The following AHI1 variants were observed in gnomAD, a reference collection of about 807,000 sequenced individuals.
AHI1 encodes the protein jouberin.
Under a neutral mutation model 149.3 loss-of-function variants are expected in AHI1, and 123 were observed. The observed-to-expected ratio is 0.82, with a 90% CI of 0.71 to 0.96. The LOEUF is 0.96. Ranked by LOEUF, AHI1 falls within the 40% of genes least tolerant of loss-of-function variation. AHI1 has a pLI of 0.00. For missense variants in AHI1, 1,439 were observed against 1,422.7 expected, an observed-to-expected ratio of 1.01 and a Z score of -0.18; for synonymous variants, 475 against 459.8, an observed-to-expected ratio of 1.03 and a Z score of -0.42.
intron 10 of AHI1, 49 bp downstream of exon 10, chr6:135,455,685 A>C (rs758984187): frequency 1.5e-6 from 2 of 1,333,732 alleles, no homozygotes; most frequent in South Asian, 3.7e-5. Flanking sequence ...CATTTGTGCT[A>C]TTAAATATTA....
chr6:135,424,024 T>C (rs1783592698), intron 20 of AHI1, among the ~76,000 whole-genome samples: 1 of 152,074 alleles, frequency 6.6e-6, no homozygotes, highest in Admixed American at 6.6e-5. Context: ...CCATCTTTGC[T>C]TCTTACAACG....
intron 24 of AHI1, among the ~76,000 whole-genome samples, chr6:135,340,485 T>G (rs936924523): frequency 6.6e-6 from 1 of 151,208 alleles, no homozygotes; most frequent in African/African-American, 2.4e-5. Context: ...GCAAGATAAC[T>G]GATAATTCAG....
chr6:135,473,337 T>C (rs1028284924), intron 5 of AHI1, among the ~76,000 whole-genome samples: 5 of 152,192 alleles, frequency 3.3e-5, no homozygotes, highest in Admixed American at 6.5e-5. Context: ...CCAGATTGTA[T>C]TCATCACTAT....
chr6:135,337,169 G>T (rs1026519597), intron 24 of AHI1, among the ~76,000 whole-genome samples: 3 of 151,908 alleles, frequency 2.0e-5, no homozygotes, highest in African/African-American at 7.3e-5. Context: ...AAAAAAAAAG[G>T]GTCTTAAAGA....
intron 16 of AHI1, 97 bp downstream of exon 16, chr6:135,432,930 A>C (rs1784869816): frequency 4.7e-6 from 4 of 842,126 alleles, no homozygotes; most frequent in Non-Finnish European, 5.8e-6. Flanking sequence ...AATATGCGCA[A>C]TCATCAGTAC....
Position 135,318,574 on chromosome 6 carries a change from G to C in AHI1, c.3371C>G (p.Pro1124Arg). Residue 1124 changes from proline to arginine, a missense_variant, in exon 26 of 29, where the codon CCT becomes CGT. Coordinates refer to ENST00000265602, the MANE Select transcript of AHI1 (RefSeq NM_001134831.2). The part of the protein sequence containing the change: ...ELPPEIKERS[P>R]PLSPEEKTKI... ...AGTTTTTTCCTCAGGGCTTAAAGGA[G>C]GGGATCGCTCCTTTATCTCAGGAGG... 1 of 1,606,320 alleles carries C rather than the reference G, an allele frequency of 6.2e-7. No homozygotes were observed. Among genetic ancestry groups the C allele is most frequent in the East Asian group, 2.2e-5 (1 of 44,782 alleles).
chr6:135,467,667 A>ATCTAC, intron 5 of AHI1, 33 bp from the exon 6 acceptor site: 1 of 1,470,840 alleles, frequency 6.8e-7, no homozygotes, highest in Non-Finnish European at 9.4e-7. Flanking sequence ...GTTTCAGCTA[A>ATCTAC]GCGTAGATTA....
intron 13 of AHI1, among the ~76,000 whole-genome samples, chr6:135,445,788 G>A (rs1472819298): frequency 1.3e-5 from 2 of 151,878 alleles, no homozygotes; most frequent in East Asian, 1.9e-4. Flanking sequence ...CGGGCACGGT[G>A]GCTCACGCCT....
intron 21 of AHI1, among the ~76,000 whole-genome samples, chr6:135,406,953 T>C (rs1780878117): frequency 6.6e-6 from 1 of 152,150 alleles, no homozygotes; most frequent in Non-Finnish European, 1.5e-5. Context: ...AAACTTAGAA[T>C]GAGATTTACC....
At chr6:135,428,551 A>C (rs1433673505) in intron 19 of AHI1, 78 bp downstream of exon 19, 1 of 1,404,090 alleles carries the variant, frequency 7.1e-7, no homozygotes. Context: ...AAATTATTCC[A>C]TAAAATGGTA....
Position 135,466,209 on chromosome 6 carries a change from C to G in AHI1, c.354G>C (p.Glu118Asp). Residue 118 changes from glutamate (E) to aspartate (D), a missense_variant, in exon 7 of 29, where the codon GAG becomes GAC. Physicochemically the swap from Glu to Asp is conservative, Grantham distance 45. Transcript: ENST00000265602. ...TATTTGGCTTTCCTTGTTTGTCTTCCTCTACACTAGCATCACCATTAGGAT... is the reference window on the plus strand; with the variant it reads ...TATTTGGCTTTCCTTGTTTGTCTTCGTCTACACTAGCATCACCATTAGGAT... ...TENPNGDASV[E>D]EDKQGKPNKK... 6.2e-7 allele frequency: 1 copy of G among 1,613,884 alleles called. No individual in the cohort carries two copies. The highest frequency in any genetic ancestry group is 8.5e-7 in the Non-Finnish European group (1 of 1,179,848).
At position 135,394,894 on chromosome 6, in the gene AHI1, G is replaced by T; in HGVS notation, c.2991C>A (p.Val997=). 2 of 1,594,646 alleles carry T rather than the reference G, an allele frequency of 1.3e-6. No individual in the cohort carries two copies. Among genetic ancestry groups the T allele is most frequent in the South Asian group, 2.3e-5 (2 of 88,030 alleles). ...TEVIRSCAAK[V]NKNLSFTSPP... Reference sequence around the variant, plus strand: ...GTGAAGTAAATGAGAGATTTTTGTTGACCTGTATTAGGAAAACAAATCAGA... The same window carrying T: ...GTGAAGTAAATGAGAGATTTTTGTTTACCTGTATTAGGAAAACAAATCAGA... The change falls in exon 23 of 29, where the codon GTC becomes GTA. Residue 997 remains valine (V), a splice_region_variant and synonymous_variant. Coordinates refer to ENST00000265602, the MANE Select transcript of AHI1 (RefSeq NM_001134831.2).
chr6:135,469,463 T>G (rs1053952653), intron 5 of AHI1, among the ~76,000 whole-genome samples: 1 of 152,140 alleles, frequency 6.6e-6, no homozygotes, highest in Admixed American at 6.5e-5. Context: ...CTTCACAGAA[T>G]TAGAAAAAAC....
intron 23 of AHI1, among the ~76,000 whole-genome samples, chr6:135,383,203 T>C (rs903660873): frequency 1.1e-4 from 16 of 146,780 alleles, no homozygotes; most frequent in African/African-American, 3.0e-4. Flanking sequence ...TTATGATTGA[T>C]TGATTCCTTC....
At chr6:135,409,899 C>T (rs372903064) in intron 21 of AHI1, among the ~76,000 whole-genome samples, 1 of 152,144 alleles carries the variant, frequency 6.6e-6, no homozygotes, top group East Asian at 1.9e-4. Context: ...ACATGCTGGT[C>T]TCTTCTTTAA....
chr6:135,478,657 A>G (rs1793109468), intron 5 of AHI1, among the ~76,000 whole-genome samples: 1 of 152,262 alleles, frequency 6.6e-6, no homozygotes, highest in Non-Finnish European at 1.5e-5. Flanking sequence ...GAGGTTAAAA[A>G]GAAAAACCAG....
intron 5 of AHI1, among the ~76,000 whole-genome samples, chr6:135,476,084 T>C (rs1244916608): frequency 6.6e-6 from 1 of 152,228 alleles, no homozygotes; most frequent in Non-Finnish European, 1.5e-5. Flanking sequence ...TCATTTTTAA[T>C]GTAATGCTAC....
At chr6:135,341,033 GAAACAAAGGAA>G (rs1234352345) in intron 24 of AHI1, among the ~76,000 whole-genome samples, 2 of 151,812 alleles carry the variant, frequency 1.3e-5, no homozygotes, top group East Asian at 3.8e-4. Flanking sequence ...GAGTAACGGT[GAAACAAAGGAA>G]AAACAACAAC....
chr6:135,479,080 C>A (rs964384783), intron 5 of AHI1, among the ~76,000 whole-genome samples: 1 of 152,260 alleles, frequency 6.6e-6, no homozygotes, highest in Non-Finnish European at 1.5e-5. Context: ...GCTTGGATGT[C>A]CAGGTAGAAG....
Sources: gnomAD v4.1 joint callset for allele counts (sites outside exome capture counted in the v4.1 genomes callset) on GRCh38, gnomAD v4.1.1 for gene constraint, MANE v1.5 for transcripts, NCBI Gene and HGNC (gene_info 2026-07-23, HGNC 2026-07-21) for gene names.